The following RBFOX1 variants were observed in gnomAD, a reference collection of about 807,000 sequenced individuals.
RBFOX1 encodes RNA binding fox-1 homolog 1, also known as RNA binding protein fox-1 homolog 1.
Under a neutral mutation model 57.7 loss-of-function variants are expected in RBFOX1, and 8 were observed. The ratio of observed to expected loss-of-function variants is 0.14; its 90% CI spans 0.08 to 0.25. RBFOX1 has a LOEUF of 0.25. RBFOX1 is among the 10% of genes least tolerant of loss of function. RBFOX1 has a pLI of 1.00. For missense variants in RBFOX1, 611 were observed against 548.5 expected (o/e 1.11, Z -1.14); for synonymous variants, 326 against 222.4 (o/e 1.47, Z -4.15).
intron 4 of RBFOX1, among the ~76,000 whole-genome samples, chr16:5,937,645 A>C (rs540639013): frequency 1.6e-3 from 244 of 150,256 alleles, no homozygotes; most frequent in African/African-American, 5.6e-3. Context: ...AGTTTTATAT[A>C]TATAGCTACA....
At chr16:7,615,695 T>C (rs1051358568) in intron 10 of RBFOX1, among the ~76,000 whole-genome samples, 2 of 152,132 alleles carry the variant, frequency 1.3e-5, no homozygotes, top group Admixed American at 6.5e-5. Context: ...TGGAAACATT[T>C]GTTTCATTGT....
At chr16:6,997,455 C>A (rs1014043840) in intron 3 of RBFOX1, among the ~76,000 whole-genome samples, 4 of 152,096 alleles carry the variant, frequency 2.6e-5, no homozygotes, top group Non-Finnish European at 4.4e-5. Context: ...GAGCATTGCA[C>A]CAGCAATAAA....
intron 3 of RBFOX1, among the ~76,000 whole-genome samples, chr16:5,688,682 T>G (rs2050577386): frequency 6.6e-6 from 1 of 152,160 alleles, no homozygotes; most frequent in South Asian, 2.1e-4. Context: ...GAGTCTCACA[T>G]GTAAATTAAT....
chr16:7,206,960 T>C (rs544341603), intron 4 of RBFOX1, among the ~76,000 whole-genome samples: 139 of 152,330 alleles, frequency 9.1e-4, no homozygotes, highest in African/African-American at 3.3e-3. Context: ...CCACTTACAG[T>C]GCACAGAGCT....
chr16:7,712,539 G>A lies in RBFOX1; in HGVS notation c.*1794G>A, dbSNP rs937092622. On this transcript the variant is annotated 3_prime_UTR_variant, in exon 16 of 16. Coordinates refer to ENST00000550418, the MANE Select transcript of RBFOX1 (RefSeq NM_018723.4). ...GCTTCGATACCTAAGACAGACGATA[G>A]TGATCTTGAAAAGAGAAAAGGGGGA... 6.6e-6 allele frequency: 1 copy of A among 152,478 alleles called. No homozygotes were observed. Among genetic ancestry groups the A allele is most frequent in the African/African-American group, 2.4e-5 (1 of 41,394 alleles). 9.4% of individuals were successfully genotyped at this position (152,478 alleles called of 1,614,324 possible).
At chr16:6,119,578 A>C (rs1446263353) in intron 1 of RBFOX1, among the ~76,000 whole-genome samples, 1 of 152,344 alleles carries the variant, frequency 6.6e-6, no homozygotes, top group Non-Finnish European at 1.5e-5. Flanking sequence ...TTGTGTAAGG[A>C]AGCATTTTTC....
chr16:5,376,913 G>A (rs12933967), intron 1 of RBFOX1, among the ~76,000 whole-genome samples: 5 of 95,730 alleles, frequency 5.2e-5, no homozygotes, highest in Admixed American at 2.0e-4. Context: ...TGTTGCCTGC[G>A]TTGGCAGTCT....
chr16:5,475,919 C>T (rs1272245703), intron 2 of RBFOX1, among the ~76,000 whole-genome samples: 2 of 152,198 alleles, frequency 1.3e-5, no homozygotes, highest in Non-Finnish European at 1.5e-5. Flanking sequence ...GATCCTCCTG[C>T]CCTGGCCTCC....
At chr16:6,721,007 C>A (rs73543637) in intron 3 of RBFOX1, among the ~76,000 whole-genome samples, 2 of 152,102 alleles carry the variant, frequency 1.3e-5, no homozygotes, top group Non-Finnish European at 2.9e-5. Flanking sequence ...GATGAGGTCA[C>A]GAATATGCAG....
At chr16:6,237,699 C>G (rs559276249) in intron 1 of RBFOX1, among the ~76,000 whole-genome samples, 2 of 151,836 alleles carry the variant, frequency 1.3e-5, no homozygotes, top group African/African-American at 4.8e-5. Context: ...CACGATCACA[C>G]CACTACACTC....
chr16:5,971,065 C>G (rs923993773), intron 4 of RBFOX1, among the ~76,000 whole-genome samples: 2 of 152,188 alleles, frequency 1.3e-5, no homozygotes, highest in African/African-American at 4.8e-5. Context: ...TGACAGTGTT[C>G]CTGTCCCCTT....
intron 2 of RBFOX1, among the ~76,000 whole-genome samples, chr16:6,367,978 A>T (rs2089905518): frequency 6.6e-6 from 1 of 152,196 alleles, no homozygotes; most frequent in Non-Finnish European, 1.5e-5. Flanking sequence ...AGGTAGAAGT[A>T]GCACAAAGTA....
At chr16:5,965,497 A>G (rs967290454) in intron 4 of RBFOX1, among the ~76,000 whole-genome samples, 1 of 152,194 alleles carries the variant, frequency 6.6e-6, no homozygotes, top group South Asian at 2.1e-4. Flanking sequence ...GCATGCTTCA[A>G]CTCAGGCAGA....
intron 3 of RBFOX1, among the ~76,000 whole-genome samples, chr16:6,952,917 G>T (rs1001851521): frequency 1.3e-5 from 2 of 152,122 alleles, no homozygotes; most frequent in Non-Finnish European, 2.9e-5. Context: ...GGAGGTTGCA[G>T]TGAGCCTATT....
Position 7,439,117 on chromosome 16 carries a change from G to A in RBFOX1, c.28-79030G>A, listed in dbSNP as rs377524310. On this transcript the variant is annotated intron_variant, in intron 4 of 15. Coordinates refer to ENST00000550418, the MANE Select transcript of RBFOX1 (RefSeq NM_018723.4). ...ACAGAGGAGCATGGTCCTCGCGCTGGCAAATGGATGCCCTTGTCCTTCTGC... is the reference window on the plus strand; with the variant it reads ...ACAGAGGAGCATGGTCCTCGCGCTGACAAATGGATGCCCTTGTCCTTCTGC... Among the ~76,000 whole-genome samples the A allele has an allele frequency of 7.2e-5, 11 of 152,252 alleles. No individual in the cohort carries two copies. In the East Asian group the frequency reaches 2.1e-3, roughly 29 times the overall value.
intron 1 of RBFOX1, among the ~76,000 whole-genome samples, chr16:6,080,368 G>C (rs2095982250): frequency 6.6e-6 from 1 of 152,104 alleles, no homozygotes; most frequent in Non-Finnish European, 1.5e-5. Flanking sequence ...CCTAAGTTCA[G>C]CCAGTGTGTG....
At chr16:5,745,338 A>G (rs2052936324) in intron 3 of RBFOX1, among the ~76,000 whole-genome samples, 1 of 152,154 alleles carries the variant, frequency 6.6e-6, no homozygotes, top group South Asian at 2.1e-4. Context: ...AATCCGGTCT[A>G]TCATTGATGG....
intron 4 of RBFOX1, among the ~76,000 whole-genome samples, chr16:7,052,331 A>G (rs1172423524): frequency 2.0e-5 from 3 of 152,214 alleles, no homozygotes; most frequent in Non-Finnish European, 2.9e-5. Flanking sequence ...AGATTCAGCA[A>G]TAAATACTTT....
intron 3 of RBFOX1, among the ~76,000 whole-genome samples, chr16:5,608,233 A>T (rs932233905): frequency 2.0e-5 from 3 of 152,100 alleles, no homozygotes; most frequent in African/African-American, 7.2e-5. Flanking sequence ...CCCTCACTTC[A>T]CGGAGGGGCA....
Sources: gnomAD v4.1 joint callset for allele counts (sites outside exome capture counted in the v4.1 genomes callset) on GRCh38, gnomAD v4.1.1 for gene constraint, MANE v1.5 for transcripts, NCBI Gene and HGNC (gene_info 2026-07-23, HGNC 2026-07-21) for gene names.